Variants in HAUS6 observed in about 807,000 individuals in gnomAD.
The protein encoded by HAUS6 is HAUS augmin-like complex subunit 6.
In HAUS6, 80 loss-of-function variants were observed where a neutral mutation model predicts 106.8. That is an observed-to-expected ratio of 0.75 (90% CI 0.63 to 0.90). HAUS6 has a LOEUF of 0.90. HAUS6 is among the 40% of genes least tolerant of loss of function. The pLI is 0.00. For missense variants in HAUS6, 1,155 were observed against 1,118.1 expected (o/e 1.03, Z -0.47); for synonymous variants, 356 against 379.1 (o/e 0.94, Z 0.71).
intron 6 of HAUS6, 146 bp from the exon 7 acceptor site, chr9:19,086,928 T>C (rs1405380117): frequency 1.6e-6 from 1 of 618,532 alleles, no homozygotes; most frequent in Non-Finnish European, 2.9e-6. Flanking sequence ...AATAATTTAT[T>C]AGGAAAACTG....
chr9:19,059,402 G>A (rs1216422433), intron 15 of HAUS6, among the ~76,000 whole-genome samples: 1 of 152,206 alleles, frequency 6.6e-6, no homozygotes, highest in African/African-American at 2.4e-5. Context: ...TAGCATGAAA[G>A]TAGCCATAAA....
chr9:19,088,385 C>T (rs914129711), intron 5 of HAUS6, among the ~76,000 whole-genome samples: 48 of 144,652 alleles, frequency 3.3e-4, no homozygotes, highest in African/African-American at 1.2e-3. Flanking sequence ...CACTGCGCTC[C>T]AGCCAGGGCA....
intron 8 of HAUS6, among the ~76,000 whole-genome samples, chr9:19,081,340 A>G (rs975265292): frequency 2.0e-5 from 3 of 152,198 alleles, no homozygotes; most frequent in Admixed American, 6.5e-5. Flanking sequence ...TTACAAATCA[A>G]TGACCCCTAA....
At chr9:19,092,569 C>G (rs1325850648) in intron 4 of HAUS6, among the ~76,000 whole-genome samples, 1 of 142,572 alleles carries the variant, frequency 7.0e-6, no homozygotes, top group Non-Finnish European at 1.5e-5. Flanking sequence ...GAGCCAAGAT[C>G]GCGCCATTGC....
chr9:19,089,456 C>A lies in HAUS6; in HGVS notation c.540G>T (p.Leu180Phe), dbSNP rs775413265. 2.5e-6 allele frequency: 4 copies of A among 1,612,178 alleles called. No homozygotes were observed. Among genetic ancestry groups the A allele is most frequent in the African/African-American group, 2.7e-5 (2 of 74,864 alleles). ...TTTGGGTAACACAATCTTGTCTTTG[C>A]AAAATTTGTAAAAATCTGCTACGTG... ...HFARSRFLQI[L>F]QRQDCVTQKY... The change falls in exon 5 of 17, where the codon TTG becomes TTT. Residue 180 changes from leucine to phenylalanine, a missense_variant. Physicochemically the swap from Leu to Phe is conservative, Grantham distance 22. Around this residue, in one of 3 missense-constraint regions of HAUS6, gnomAD observed 761 missense variants for 690.0 expected, o/e 1.10. Transcript: ENST00000380502.
intron 5 of HAUS6, among the ~76,000 whole-genome samples, chr9:19,087,809 C>T (rs1461772502): frequency 1.5e-5 from 2 of 132,900 alleles, no homozygotes; most frequent in Non-Finnish European, 3.1e-5. Flanking sequence ...TGCCACTGCA[C>T]TCTAGTCTAG....
rs769370319 is a variant in HAUS6 at position 19,053,686 on chromosome 9, AAAAC to A, written c.*2653_*2656del. 1 of 152,216 alleles carries A rather than the reference AAAAC, an allele frequency of 6.6e-6. No individual in the cohort carries two copies. Among genetic ancestry groups the A allele is most frequent in the Non-Finnish European group, 1.5e-5 (1 of 68,014 alleles). The allele number at this position is 152,216 out of a possible 1,614,324, so 9.4% of individuals were successfully genotyped here. ...TATACCTTTGTATCTTACAAATAGT[AAAAC>A]AAAGTACATTCTATATGTCTGATAT... On this transcript the variant is annotated 3_prime_UTR_variant, in exon 17 of 17. Transcript: ENST00000380502.
Position 19,102,552 on chromosome 9 carries a change from T to C in HAUS6, c.100A>G (p.Lys34Glu). Residue 34 changes from lysine to glutamate, a missense_variant, in exon 1 of 17, where the codon AAG becomes GAG. By Grantham distance (56) the Lys-to-Glu change is moderately conservative. Coordinates refer to ENST00000380502, the MANE Select transcript of HAUS6 (RefSeq NM_017645.5). The part of the protein sequence containing the change: ...EPGPATIACG[K>E]IVSHTHLGVN... ...CCGAGGTGCGTGTGCGACACGATCT[T>C]TCCGCAGGCAATGGTTGCCGGGCCT... 1 of 1,613,802 alleles carries C rather than the reference T, an allele frequency of 6.2e-7. No homozygotes were observed. Among genetic ancestry groups the C allele is most frequent in the Non-Finnish European group, 8.5e-7 (1 of 1,179,828 alleles).
intron 16 of HAUS6, 22 bp from the exon 17 acceptor site, chr9:19,056,426 G>C (rs372584901): frequency 2.2e-6 from 3 of 1,341,356 alleles, no homozygotes; most frequent in Non-Finnish European, 3.2e-6. Flanking sequence ...TTTTAAAAAA[G>C]TATAAGCAAA....
chr9:19,059,095 C>T, intron 15 of HAUS6, 94 bp from the exon 16 acceptor site: 1 of 696,228 alleles, frequency 1.4e-6, no homozygotes. Context: ...GATAAAGCTC[C>T]TGACTCAGTA....
In HAUS6 at chr9:19,053,768, A is replaced by G. The variant is rs1836409231; in HGVS notation, c.*2575T>C. ...AATAAATTAGCCCTCTTTACCATTT[A>G]TTCCATGATATAGGAGGCAAACAAA... On this transcript the variant is annotated 3_prime_UTR_variant, in exon 17 of 17. Transcript: ENST00000380502. 6.6e-6 allele frequency: 1 copy of G among 152,192 alleles called. No individual in the cohort carries two copies. The highest frequency in any genetic ancestry group is 2.4e-5 in the African/African-American group (1 of 41,448). The allele number at this position is 152,192 out of a possible 1,614,324, so 9.4% of individuals were successfully genotyped here. A position where few individuals can be genotyped will look rare whatever the true frequency, so the allele number is the denominator to read the frequency against.
chr9:19,097,282 G>A (rs1373783947), intron 1 of HAUS6, among the ~76,000 whole-genome samples: 1 of 152,100 alleles, frequency 6.6e-6, no homozygotes, highest in Non-Finnish European at 1.5e-5. Flanking sequence ...CTTCTGCACA[G>A]CAAAAGAAAC....
chr9:19,099,052 T>C (rs549578407), intron 1 of HAUS6, among the ~76,000 whole-genome samples: 2 of 148,392 alleles, frequency 1.3e-5, no homozygotes, highest in Admixed American at 6.7e-5. Context: ...AGAAAAGTGG[T>C]CATACCACTA....
intron 14 of HAUS6, among the ~76,000 whole-genome samples, 161 bp from the exon 15 acceptor site, chr9:19,060,384 A>C (rs1029004463): frequency 6.6e-6 from 1 of 152,258 alleles, no homozygotes; most frequent in South Asian, 2.1e-4. Flanking sequence ...AACTCTGTAT[A>C]GACCATCCAG....
chr9:19,087,353 T>C (rs997783608), intron 5 of HAUS6, among the ~76,000 whole-genome samples, 197 bp from the exon 6 acceptor site: 5 of 152,158 alleles, frequency 3.3e-5, no homozygotes, highest in African/African-American at 1.2e-4. Context: ...CTAGGACTCA[T>C]AGGTTAGTAT....
At position 19,056,252 on chromosome 9, in the gene HAUS6, T is replaced by C. The variant is rs557564656; in HGVS notation, c.*91A>G. On this transcript the variant is annotated 3_prime_UTR_variant, in exon 17 of 17. Coordinates refer to ENST00000380502, the MANE Select transcript of HAUS6 (RefSeq NM_017645.5). Reference sequence around the variant, plus strand: ...TAAACCTTGAAAAACAGTGTTACACTTCCAACATGTATTTAAGTTGTAATT... The same window carrying C: ...TAAACCTTGAAAAACAGTGTTACACCTCCAACATGTATTTAAGTTGTAATT... 34 of 729,868 alleles carry C rather than the reference T, an allele frequency of 4.7e-5. No individual in the cohort carries two copies. In the Admixed American group the frequency reaches 5.4e-4, roughly 12 times the overall value. The allele number at this position is 729,868 out of a possible 1,614,324, so 45.2% of individuals were successfully genotyped here.
chr9:19,089,297 A>G, intron 5 of HAUS6, 115 bp downstream of exon 5: 2 of 668,838 alleles, frequency 3.0e-6, no homozygotes, highest in East Asian at 2.7e-5. Flanking sequence ...ACTTTAAAAT[A>G]GAAAGATAAC....
At position 19,054,248 on chromosome 9, in the gene HAUS6, A is replaced by C. The variant is rs1358669419; in HGVS notation, c.*2095T>G. On this transcript the variant is annotated 3_prime_UTR_variant, in exon 17 of 17. Coordinates refer to ENST00000380502, the MANE Select transcript of HAUS6 (RefSeq NM_017645.5). ...TACAGCGGAAGGGGGAGTAGAGGAA[A>C]TCCGTTACAGGGGAACTTACATGCC... is the stretch of plus-strand genomic sequence containing the variant. 6.6e-6 allele frequency: 1 copy of C among 152,214 alleles called. No homozygotes were observed. Among genetic ancestry groups the C allele is most frequent in the East Asian group, 1.9e-4 (1 of 5,202 alleles). 9.4% of individuals were successfully genotyped at this position (152,214 alleles called of 1,614,324 possible).
chr9:19,092,618 GAAAAAAAAAAA>G (rs754952207), intron 4 of HAUS6, among the ~76,000 whole-genome samples: 1 of 55,008 alleles, frequency 1.8e-5, no homozygotes, highest in Non-Finnish European at 3.2e-5. Context: ...CTCCGTCTCG[GAAAAAAAAAAA>G]AAAAAAAAAA....
Sources: allele counts gnomAD v4.1 joint callset (sites outside exome capture counted in the v4.1 genomes callset), GRCh38; gene constraint gnomAD v4.1.1; regional missense constraint gnomAD v4.1.1; transcripts MANE v1.5; gene names NCBI Gene and HGNC (gene_info 2026-07-23, HGNC 2026-07-21).